Variants in SNTG1 observed in about 807,000 individuals in gnomAD.
SNTG1 encodes gamma-1-syntrophin.
In SNTG1, 39 loss-of-function variants were observed where a neutral mutation model predicts 74.7. The observed-to-expected ratio is 0.52, with a 90% CI of 0.40 to 0.68. The LOEUF (loss-of-function observed/expected upper bound fraction) is 0.68, where lower values mean the gene tolerates loss of function less well. SNTG1 is among the 30% of genes least tolerant of loss of function. The pLI, the probability that SNTG1 is intolerant of heterozygous loss-of-function variation, is 0.00. For missense variants in SNTG1, 685 were observed against 609.5 expected, an observed-to-expected ratio of 1.12 and a Z score of -1.30; for synonymous variants, 254 against 217.1, an observed-to-expected ratio of 1.17 and a Z score of -1.49.
At chr8:50,509,186 C>T (rs2094040347) in intron 9 of SNTG1, among the ~76,000 whole-genome samples, 1 of 152,232 alleles carries the variant, frequency 6.6e-6, no homozygotes, top group African/African-American at 2.4e-5. Flanking sequence ...GAATCCTTTC[C>T]CCATTGCTTG....
At chr8:50,555,297 T>C (rs2094449483) in intron 12 of SNTG1, among the ~76,000 whole-genome samples, 1 of 152,246 alleles carries the variant, frequency 6.6e-6, no homozygotes, top group Non-Finnish European at 1.5e-5. Flanking sequence ...TGTTCTTTTG[T>C]TCTTGCAATC....
At chr8:50,092,776 C>T (rs1281167017) in intron 1 of SNTG1, among the ~76,000 whole-genome samples, 2 of 152,134 alleles carry the variant, frequency 1.3e-5, no homozygotes, top group African/African-American at 4.8e-5. Flanking sequence ...CCATGTTACA[C>T]TGACAAACAG....
chr8:50,002,220 A>G (rs913746094), intron 1 of SNTG1, among the ~76,000 whole-genome samples: 2 of 152,142 alleles, frequency 1.3e-5, no homozygotes, highest in Admixed American at 1.3e-4. Context: ...CCAACTCCAA[A>G]TGTTTTCCTC....
intron 8 of SNTG1, among the ~76,000 whole-genome samples, chr8:50,469,791 C>T (rs990132639): frequency 6.6e-6 from 1 of 152,078 alleles, no homozygotes; most frequent in East Asian, 1.9e-4. Flanking sequence ...TCAGCCTGGC[C>T]AACAGGGTGA....
At chr8:49,976,841 C>G (rs981860972) in intron 1 of SNTG1, among the ~76,000 whole-genome samples, 1 of 152,104 alleles carries the variant, frequency 6.6e-6, no homozygotes, top group African/African-American at 2.4e-5. Flanking sequence ...ATATTTTAAG[C>G]AAGACTAAAT....
chr8:50,196,582 G>T (rs1177872109), intron 2 of SNTG1, among the ~76,000 whole-genome samples: 1 of 152,068 alleles, frequency 6.6e-6, no homozygotes, highest in African/African-American at 2.4e-5. Flanking sequence ...ATGTAGAAAA[G>T]TACTCTTCAT....
intron 2 of SNTG1, among the ~76,000 whole-genome samples, chr8:50,372,781 GTTGT>G (rs984468641): frequency 2.0e-5 from 3 of 152,058 alleles, no homozygotes; most frequent in African/African-American, 7.2e-5. Context: ...AGTCTGAATA[GTTGT>G]TTGTCTCTGT....
chr8:50,007,763 G>GTTAGTCAAT (rs1473224211), intron 1 of SNTG1, among the ~76,000 whole-genome samples: 20 of 152,018 alleles, frequency 1.3e-4, no homozygotes, highest in Non-Finnish European at 1.9e-4. Context: ...AAGAGAATGT[G>GTTAGTCAAT]TTAGTCAATT....
At chr8:50,387,927 A>G (rs1289871770) in intron 2 of SNTG1, among the ~76,000 whole-genome samples, 1 of 152,172 alleles carries the variant, frequency 6.6e-6, no homozygotes, top group Non-Finnish European at 1.5e-5. Context: ...TTAGGGGTTC[A>G]CTGAGCTCAG....
At chr8:50,736,188 C>T (rs767765834) in intron 17 of SNTG1, among the ~76,000 whole-genome samples, 2 of 151,882 alleles carry the variant, frequency 1.3e-5, no homozygotes, top group South Asian at 2.1e-4. Context: ...TAAAGGCCAT[C>T]GAGACTATGA....
At chr8:50,533,356 T>A (rs1057407099) in intron 10 of SNTG1, among the ~76,000 whole-genome samples, 2 of 152,244 alleles carry the variant, frequency 1.3e-5, no homozygotes, top group African/African-American at 2.4e-5. Context: ...TCTGGTAAGA[T>A]AGTTGTTCTT....
chr8:50,388,663 G>C (rs755452016), intron 2 of SNTG1, among the ~76,000 whole-genome samples: 18 of 152,296 alleles, frequency 1.2e-4, no homozygotes, highest in East Asian at 1.9e-4. Flanking sequence ...TCATGCAGAA[G>C]CTGATGATGC....
chr8:50,208,966 G>T (rs962294341), intron 2 of SNTG1, among the ~76,000 whole-genome samples: 10 of 152,112 alleles, frequency 6.6e-5, no homozygotes, highest in African/African-American at 1.9e-4. Context: ...AGGGGTCTGG[G>T]AATTCCCTTT....
intron 2 of SNTG1, among the ~76,000 whole-genome samples, chr8:50,240,473 A>G (rs925008680): frequency 6.6e-6 from 1 of 152,234 alleles, no homozygotes; most frequent in East Asian, 1.9e-4. Context: ...AATTTTACGA[A>G]CCATCATGAA....
chr8:50,411,963 T>C (rs901865806), intron 4 of SNTG1, among the ~76,000 whole-genome samples: 2 of 152,124 alleles, frequency 1.3e-5, no homozygotes, highest in African/African-American at 4.8e-5. Context: ...CTCCTTTGAT[T>C]AGGATAGACA....
At chr8:50,076,818 G>GT (rs1821938283) in intron 1 of SNTG1, among the ~76,000 whole-genome samples, 1 of 152,116 alleles carries the variant, frequency 6.6e-6, no homozygotes, top group African/African-American at 2.4e-5. Flanking sequence ...GTATTTAGAA[G>GT]TTTAAATGAG....
At position 50,523,874 on chromosome 8, in the gene SNTG1, A is replaced by G. The variant is rs556248871; in HGVS notation, c.467-6303A>G. ...TGTGAAGCAAAATCGAGCAAAATGT[A>G]ATAAAATGAGATATGTCTGTACTTG... On this transcript the variant is annotated intron_variant, in intron 9 of 18. Coordinates refer to ENST00000642720, the MANE Select transcript of SNTG1 (RefSeq NM_018967.5). Among the ~76,000 whole-genome samples the G allele has an allele frequency of 3.3e-5, 5 of 152,306 alleles. No homozygotes were observed. In the East Asian group the frequency reaches 9.6e-4, roughly 29 times the overall value.
chr8:49,933,481 G>C (rs574826036), intron 1 of SNTG1, among the ~76,000 whole-genome samples: 2 of 152,004 alleles, frequency 1.3e-5, no homozygotes, highest in Admixed American at 6.5e-5. Context: ...TCTTTGGTCC[G>C]TTTTGAGCAA....
rs546441179 is a variant in SNTG1, at chr8:50,593,935, C to T, written c.849+3018C>T. 3.9e-5 allele frequency among the ~76,000 whole-genome samples: 6 copies of T among 152,218 alleles called. 1 individual carries two copies. The highest frequency in any genetic ancestry group is 1.4e-4 in the African/African-American group (6 of 41,544). On this transcript the variant is annotated intron_variant, in intron 13 of 18. Transcript: ENST00000642720. ...GATTCACCGTGTTGGCCAGCCTGGT[C>T]TCAAACTCCCGACCTTAAGTGATCT...
Sources: allele counts gnomAD v4.1 joint callset (sites outside exome capture counted in the v4.1 genomes callset), GRCh38; gene constraint gnomAD v4.1.1; transcripts MANE v1.5; gene names NCBI Gene and HGNC (gene_info 2026-07-23, HGNC 2026-07-21).